Variants in MOB3B observed in about 807,000 individuals in gnomAD.
MOB3B encodes MOB kinase activator-like 2B.
MOB3B carries 7 observed loss-of-function variants against 18.7 expected under a neutral mutation model. The ratio of observed to expected loss-of-function variants is 0.37; its 90% CI spans 0.21 to 0.70. The LOEUF is 0.70. Among genes scored for constraint, MOB3B ranks in the 30% least tolerant of loss-of-function variants. MOB3B has a pLI of 0.52. For synonymous variants in MOB3B, 111 were observed against 99.9 expected, an observed-to-expected ratio of 1.11 and a Z score of -0.66; for missense variants, 253 against 281.3, an observed-to-expected ratio of 0.90 and a Z score of 0.72.
intron 2 of MOB3B, among the ~76,000 whole-genome samples, chr9:27,428,506 G>A (rs1048569982): frequency 6.6e-6 from 1 of 152,228 alleles, no homozygotes; most frequent in Admixed American, 6.5e-5. Context: ...AGAAAGAGAT[G>A]AGTTTGTTCT....
At chr9:27,388,906 T>G (rs1821687379) in intron 2 of MOB3B, among the ~76,000 whole-genome samples, 1 of 152,158 alleles carries the variant, frequency 6.6e-6, no homozygotes, top group Non-Finnish European at 1.5e-5. Flanking sequence ...CTTGAAAGTT[T>G]CCTCTTCCCT....
At chr9:27,331,698 A>T (rs1014574362) in intron 3 of MOB3B, among the ~76,000 whole-genome samples, 4 of 152,200 alleles carry the variant, frequency 2.6e-5, no homozygotes, top group African/African-American at 9.7e-5. Context: ...TCTTGAGAAG[A>T]CAAGTTTCAT....
chr9:27,515,619 T>G (rs577125440), intron 1 of MOB3B, among the ~76,000 whole-genome samples: 1 of 152,354 alleles, frequency 6.6e-6, no homozygotes, highest in Admixed American at 6.5e-5. Flanking sequence ...AAAGAATACT[T>G]AAAGACAATG....
At chr9:27,338,433 C>T (rs1051586693) in intron 3 of MOB3B, among the ~76,000 whole-genome samples, 55 of 152,086 alleles carry the variant, frequency 3.6e-4, no homozygotes, top group Non-Finnish European at 1.5e-4. Flanking sequence ...AAGAATTTGC[C>T]CTGGCAGCTG....
chr9:27,432,340 T>G (rs1050174178), intron 2 of MOB3B, among the ~76,000 whole-genome samples: 2 of 152,220 alleles, frequency 1.3e-5, no homozygotes, highest in African/African-American at 4.8e-5. Context: ...TTATTGCCAT[T>G]TGAGATACTG....
At chr9:27,487,257 G>A (rs932435972) in intron 1 of MOB3B, among the ~76,000 whole-genome samples, 1 of 152,074 alleles carries the variant, frequency 6.6e-6, no homozygotes, top group African/African-American at 2.4e-5. Flanking sequence ...AAACAGCCTA[G>A]GAAACTAAAG....
rs114867615 is a variant in MOB3B, at chr9:27,455,563, C to A, written c.-13G>T. 1.3e-5 allele frequency: 21 copies of A among 1,613,898 alleles called. 1 individual carries two copies. In the South Asian group the frequency reaches 2.1e-4, roughly 16 times the overall value. On this transcript the variant is annotated 5_prime_UTR_variant, in exon 2 of 4. Coordinates refer to ENST00000262244, the MANE Select transcript of MOB3B (RefSeq NM_024761.5). Reference sequence around the variant, plus strand: ...GGGCTATGGACATGGTCTTCTCTTTCGCTTCCTTTCTTTTGCAGGAAGCGA... The same window carrying A: ...GGGCTATGGACATGGTCTTCTCTTTAGCTTCCTTTCTTTTGCAGGAAGCGA...
intron 1 of MOB3B, among the ~76,000 whole-genome samples, chr9:27,456,127 G>A (rs1822866737): frequency 6.6e-6 from 1 of 152,164 alleles, no homozygotes; most frequent in Non-Finnish European, 1.5e-5. Context: ...AAGTAGGCAT[G>A]GGGACACTTC....
intron 2 of MOB3B, among the ~76,000 whole-genome samples, chr9:27,387,766 G>A (rs1010568879): frequency 1.2e-4 from 19 of 152,160 alleles, no homozygotes; most frequent in Admixed American, 3.9e-4. Flanking sequence ...TTAACGTTTC[G>A]GATGGATTGA....
chr9:27,509,664 G>A (rs755104250), intron 1 of MOB3B, among the ~76,000 whole-genome samples: 1 of 151,826 alleles, frequency 6.6e-6, no homozygotes, highest in Non-Finnish European at 1.5e-5. Context: ...TGCTCCACCT[G>A]CCTCAGCCTC....
At chr9:27,383,053 A>G (rs1320104760) in intron 2 of MOB3B, among the ~76,000 whole-genome samples, 1 of 152,206 alleles carries the variant, frequency 6.6e-6, no homozygotes, top group Non-Finnish European at 1.5e-5. Context: ...GAAAATGTCC[A>G]TCAATAGACA....
At chr9:27,520,005 C>A (rs1820298350) in intron 1 of MOB3B, among the ~76,000 whole-genome samples, 1 of 152,132 alleles carries the variant, frequency 6.6e-6, no homozygotes, top group Non-Finnish European at 1.5e-5. Context: ...TTTTCCTGGG[C>A]TCTCTACTGG....
chr9:27,373,241 T>C (rs1218650549), intron 2 of MOB3B, among the ~76,000 whole-genome samples: 9 of 152,200 alleles, frequency 5.9e-5, no homozygotes, highest in Admixed American at 5.9e-4. Flanking sequence ...CCATTCTGAG[T>C]GCAGGTTTCA....
intron 2 of MOB3B, among the ~76,000 whole-genome samples, chr9:27,454,224 G>C (rs543415641): frequency 6.6e-6 from 1 of 152,336 alleles, no homozygotes; most frequent in Non-Finnish European, 1.5e-5. Flanking sequence ...GATTTCAACA[G>C]TGTGTTTCAA....
intron 2 of MOB3B, among the ~76,000 whole-genome samples, chr9:27,413,627 G>A (rs200691115): frequency 8.5e-5 from 13 of 152,188 alleles, no homozygotes; most frequent in Non-Finnish European, 1.6e-4. Context: ...AAAATTGGAG[G>A]GTGTTCCAGT....
intron 1 of MOB3B, among the ~76,000 whole-genome samples, chr9:27,519,390 A>G (rs143212671): frequency 6.6e-6 from 1 of 152,338 alleles, no homozygotes; most frequent in African/African-American, 2.4e-5. Flanking sequence ...ATATACAGTC[A>G]CACAGATAAA....
chr9:27,374,737 C>T (rs182591153), intron 2 of MOB3B, among the ~76,000 whole-genome samples: 14 of 152,238 alleles, frequency 9.2e-5, no homozygotes, highest in Admixed American at 2.0e-4. Flanking sequence ...AACACAAAGA[C>T]GAATTCTTGC....
rs543268087 is a variant in MOB3B at position 27,366,444 on chromosome 9, A to G, written c.419-7208T>C. On this transcript the variant is annotated intron_variant, in intron 2 of 3. Coordinates refer to ENST00000262244, the MANE Select transcript of MOB3B (RefSeq NM_024761.5). The stretch of plus-strand genomic sequence containing the variant: ...CCTCCCTTCCACTAAGCCCTCAAAC[A>G]TCTCATTCAATCCTTCCTTTTCAGG... Among the ~76,000 whole-genome samples the G allele has an allele frequency of 7.9e-5, 12 of 152,122 alleles. No homozygotes were observed. In the South Asian group the frequency reaches 2.1e-3, roughly 26 times the overall value.
intron 1 of MOB3B, among the ~76,000 whole-genome samples, chr9:27,529,177 C>A (rs994132990): frequency 1.3e-5 from 2 of 152,242 alleles, no homozygotes. Context: ...CACAGCCCAA[C>A]ACGCACCCTG....
Sources: gnomAD v4.1 joint callset for allele counts (sites outside exome capture counted in the v4.1 genomes callset) on GRCh38, gnomAD v4.1.1 for gene constraint, MANE v1.5 for transcripts, NCBI Gene and HGNC (gene_info 2026-07-23, HGNC 2026-07-21) for gene names.